Variants in CPEB3 observed in about 807,000 individuals in gnomAD.
CPEB3 encodes the protein cytoplasmic polyadenylation element binding protein 3.
A neutral mutation model predicts 67.2 loss-of-function variants in CPEB3; 20 were observed. The observed-to-expected ratio is 0.30, with a 90% CI of 0.21 to 0.43. The LOEUF is 0.43. Ranked by LOEUF, CPEB3 falls within the 20% of genes least tolerant of loss-of-function variation. The pLI is 1.00. For missense variants in CPEB3, 746 were observed against 968.6 expected, an observed-to-expected ratio of 0.77 and a Z score of 3.05; for synonymous variants, 376 against 393.1, an observed-to-expected ratio of 0.96 and a Z score of 0.51.
chr10:92,265,483 A>T (rs1193020927), intron 1 of CPEB3, among the ~76,000 whole-genome samples: 1 of 152,014 alleles, frequency 6.6e-6, no homozygotes, highest in Non-Finnish European at 1.5e-5. Context: ...CAGGGCGGGC[A>T]CGGTGGCTCA....
intron 3 of CPEB3, among the ~76,000 whole-genome samples, chr10:92,191,837 T>C (rs4933227): frequency 0.68 from 103,017 of 152,124 alleles, 36,663 homozygotes; most frequent in African/African-American, 0.9. Context: ...ATGAATTAAA[T>C]ACCAACATCT....
intron 1 of CPEB3, among the ~76,000 whole-genome samples, chr10:92,261,786 A>C (rs1357326512): frequency 6.6e-6 from 1 of 152,206 alleles, no homozygotes; most frequent in Admixed American, 6.5e-5. Flanking sequence ...CTATGTGAGC[A>C]GGCAACAGCA....
At chr10:92,225,265 G>A (rs545096076) in intron 2 of CPEB3, among the ~76,000 whole-genome samples, 7 of 152,010 alleles carry the variant, frequency 4.6e-5, no homozygotes, top group African/African-American at 7.2e-5. Flanking sequence ...GAGCCACCGC[G>A]CCCAGCCTCC....
chr10:92,161,952 C>T (rs1021878508), intron 4 of CPEB3, among the ~76,000 whole-genome samples: 1 of 152,190 alleles, frequency 6.6e-6, no homozygotes, highest in Non-Finnish European at 1.5e-5. Flanking sequence ...TGAGCCACTG[C>T]GCCCGGCTGA....
At chr10:92,264,542 GTT>G (rs1360273073) in intron 1 of CPEB3, among the ~76,000 whole-genome samples, 4 of 151,906 alleles carry the variant, frequency 2.6e-5, no homozygotes, top group Admixed American at 6.6e-5. Context: ...TGGTAATCAT[GTT>G]TTTTCTCAAT....
In CPEB3 at chr10:92,118,864, C is replaced by G. The variant is rs1845178331; in HGVS notation, c.1454-7670G>C. The stretch of plus-strand genomic sequence containing the variant: ...CTCTTCCCATGGCAATGGCCATCTG[C>G]CACCATGACACTGGTACTGCTTTGA... On this transcript the variant is annotated intron_variant, in intron 6 of 9. Transcript: ENST00000265997. 22 of 803,120 alleles carry G rather than the reference C, an allele frequency of 2.7e-5. 2 individuals carry two copies. The South Asian group carries it at 3.0e-4, about 11-fold the overall frequency. The allele number at this position is 803,120 out of a possible 1,614,324, so 49.7% of individuals were successfully genotyped here.
intron 7 of CPEB3, among the ~76,000 whole-genome samples, chr10:92,093,330 C>T (rs1843701868): frequency 6.6e-6 from 1 of 152,100 alleles, no homozygotes; most frequent in Admixed American, 6.5e-5. Flanking sequence ...TGTTCATTTC[C>T]CCCTTGCTCA....
At chr10:92,252,794 A>C (rs1458750854) in intron 1 of CPEB3, among the ~76,000 whole-genome samples, 1 of 152,152 alleles carries the variant, frequency 6.6e-6, no homozygotes, top group Admixed American at 6.5e-5. Context: ...TGCTGAGATT[A>C]CATGTGTGAG....
chr10:92,198,819 T>G (rs940244328), intron 2 of CPEB3, among the ~76,000 whole-genome samples: 3 of 152,200 alleles, frequency 2.0e-5, no homozygotes, highest in African/African-American at 4.8e-5. Context: ...GGTCTGTGAC[T>G]CTCAAGTCCA....
At chr10:92,213,513 A>G (rs1485226344) in intron 2 of CPEB3, among the ~76,000 whole-genome samples, 1 of 152,232 alleles carries the variant, frequency 6.6e-6, no homozygotes, top group East Asian at 1.9e-4. Context: ...CGGTTCCTGG[A>G]ATGGTAGAGT....
intron 1 of CPEB3, among the ~76,000 whole-genome samples, chr10:92,245,141 T>A (rs1318831543): frequency 2.8e-5 from 4 of 145,432 alleles, no homozygotes; most frequent in African/African-American, 5.1e-5. Flanking sequence ...GTCTTTTTTT[T>A]TTTTTTTTTT....
chr10:92,154,631 C>T (rs1429624497), intron 4 of CPEB3, among the ~76,000 whole-genome samples: 1 of 152,214 alleles, frequency 6.6e-6, no homozygotes, highest in African/African-American at 2.4e-5. Context: ...CGTCCTACTA[C>T]CAGCTTCTCC....
chr10:92,113,522 T>C (rs566186200), intron 6 of CPEB3, among the ~76,000 whole-genome samples: 4 of 152,278 alleles, frequency 2.6e-5, no homozygotes, highest in African/African-American at 4.8e-5. Flanking sequence ...CATAAGCATA[T>C]TGAACACCCT....
chr10:92,256,037 G>A (rs1211618743), intron 1 of CPEB3, among the ~76,000 whole-genome samples: 1 of 152,080 alleles, frequency 6.6e-6, no homozygotes, highest in African/African-American at 2.4e-5. Flanking sequence ...ATTTATATTT[G>A]GTTAACTTAT....
chr10:92,072,990 C>G (rs544094551), intron 9 of CPEB3, among the ~76,000 whole-genome samples: 45 of 148,626 alleles, frequency 3.0e-4, no homozygotes, highest in African/African-American at 1.1e-3. Flanking sequence ...TTTCAAGATG[C>G]TAATGACTTT....
At position 92,201,205 on chromosome 10, in the gene CPEB3, T is replaced by C. The variant is rs973520279; in HGVS notation, c.1006-8569A>G. ...ATACAGAAAGGGAAAGCAATGACTA[T>C]GACGGTCAGAAGAGAAGGCATCAAA... On this transcript the variant is annotated intron_variant, in intron 2 of 9. Coordinates refer to ENST00000265997, the MANE Select transcript of CPEB3 (RefSeq NM_014912.5). Among the ~76,000 whole-genome samples, 3 of 152,056 alleles carry C rather than the reference T, an allele frequency of 2.0e-5. No homozygotes were observed. In the South Asian group the frequency reaches 6.2e-4, roughly 32 times the overall value.
intron 8 of CPEB3, among the ~76,000 whole-genome samples, chr10:92,090,528 C>T (rs976853673): frequency 1.3e-5 from 2 of 152,236 alleles, no homozygotes; most frequent in Admixed American, 6.5e-5. Context: ...GGCAACAGAG[C>T]GAGACTCCAT....
chr10:92,056,141 G>A (rs541356812), intron 9 of CPEB3, among the ~76,000 whole-genome samples: 6 of 152,308 alleles, frequency 3.9e-5, no homozygotes, highest in African/African-American at 1.4e-4. Context: ...CGAGGGTGCT[G>A]TCCCTGCAGA....
At chr10:92,094,062 C>A (rs911912927) in intron 7 of CPEB3, among the ~76,000 whole-genome samples, 2 of 151,784 alleles carry the variant, frequency 1.3e-5, no homozygotes, top group South Asian at 4.2e-4. Context: ...GCCATGTTGG[C>A]CAGGGTGGTC....
Sources: allele counts gnomAD v4.1 joint callset (sites outside exome capture counted in the v4.1 genomes callset), GRCh38; gene constraint gnomAD v4.1.1; transcripts MANE v1.5; gene names NCBI Gene and HGNC (gene_info 2026-07-23, HGNC 2026-07-21).